CSMD3: variants seen among roughly 807,000 people sequenced by gnomAD.
CSMD3 encodes CUB and sushi domain-containing protein 3.
Under a neutral mutation model 435.2 loss-of-function variants are expected in CSMD3, and 177 were observed. The ratio of observed to expected loss-of-function variants is 0.41; its 90% CI spans 0.36 to 0.46. The LOEUF (loss-of-function observed/expected upper bound fraction) is 0.46. Ranked by LOEUF, CSMD3 falls within the 20% of genes least tolerant of loss-of-function variation. CSMD3 has a pLI of 0.34. For missense variants in CSMD3, 4,265 were observed against 4,504.6 expected (o/e 0.95, Z 1.52); for synonymous variants, 1,656 against 1,520.5 (o/e 1.09, Z -2.07).
chr8:113,365,729 G>A (rs1033686145), intron 1 of CSMD3, among the ~76,000 whole-genome samples: 8 of 152,104 alleles, frequency 5.3e-5, no homozygotes, highest in Admixed American at 2.0e-4. Context: ...TGACATATAT[G>A]TGCCTGTCCC....
intron 22 of CSMD3, among the ~76,000 whole-genome samples, chr8:112,622,520 G>T (rs35303173): frequency 0.55 from 83,787 of 151,924 alleles, 23,380 homozygotes; most frequent in African/African-American, 0.6. Context: ...CTTTTAATTT[G>T]TCCAGTCCTT....
intron 30 of CSMD3, among the ~76,000 whole-genome samples, chr8:112,493,567 G>A (rs1245094728): frequency 6.6e-6 from 1 of 152,036 alleles, no homozygotes; most frequent in Non-Finnish European, 1.5e-5. Context: ...CCAAACCACA[G>A]TATTTTTTGA....
intron 13 of CSMD3, among the ~76,000 whole-genome samples, chr8:112,723,677 G>C (rs1470856302): frequency 6.6e-6 from 1 of 152,120 alleles, no homozygotes; most frequent in Middle Eastern, 3.2e-3. Flanking sequence ...AAGCTTTGGA[G>C]TCAAGCTACC....
intron 1 of CSMD3, among the ~76,000 whole-genome samples, chr8:113,370,624 C>A (rs972252448): frequency 4.6e-5 from 7 of 151,912 alleles, no homozygotes; most frequent in African/African-American, 1.7e-4. Context: ...TCATTATATG[C>A]ATTCATTTCT....
chr8:112,720,819 T>C (rs533338891), intron 13 of CSMD3, among the ~76,000 whole-genome samples: 1 of 152,334 alleles, frequency 6.6e-6, no homozygotes, highest in African/African-American at 2.4e-5. Flanking sequence ...GATAAATTTA[T>C]ATATTTTCTG....
Position 112,290,408 on chromosome 8 carries a change from A to G in CSMD3, c.8975-870T>C, listed in dbSNP as rs1036188936. 3.3e-5 allele frequency among the ~76,000 whole-genome samples: 5 copies of G among 152,056 alleles called. No individual in the cohort carries two copies. The East Asian group carries it at 9.6e-4, about 29-fold the overall frequency. On this transcript the variant is annotated intron_variant, in intron 56 of 70. Transcript: ENST00000297405. Reference sequence around the variant, plus strand: ...GAAGAACTTCAGGTTTACAAGTCCTATGAAGAGATTTTTAACTTTAATGTG... The same window carrying G: ...GAAGAACTTCAGGTTTACAAGTCCTGTGAAGAGATTTTTAACTTTAATGTG...
chr8:112,719,023 G>A (rs545753836), intron 13 of CSMD3, among the ~76,000 whole-genome samples: 1 of 152,158 alleles, frequency 6.6e-6, no homozygotes, highest in South Asian at 2.1e-4. Flanking sequence ...ATTTATTGAA[G>A]ACATTATTCT....
intron 5 of CSMD3, among the ~76,000 whole-genome samples, chr8:113,070,007 G>A (rs58021089): frequency 0.67 from 101,797 of 151,940 alleles, 35,662 homozygotes; most frequent in East Asian, 0.95. Context: ...CTGAGATGCT[G>A]GAGTTAATTT....
At chr8:112,885,213 G>A (rs2081555673) in intron 10 of CSMD3, among the ~76,000 whole-genome samples, 1 of 151,612 alleles carries the variant, frequency 6.6e-6, no homozygotes, top group Non-Finnish European at 1.5e-5. Flanking sequence ...CATAGGAAAT[G>A]TCCTGATTAA....
intron 10 of CSMD3, among the ~76,000 whole-genome samples, chr8:112,911,687 T>C (rs1285239983): frequency 2.8e-5 from 4 of 140,892 alleles, no homozygotes; most frequent in South Asian, 2.3e-4. Context: ...GTAATGTATA[T>C]ATTTAGTTAA....
In CSMD3 at chr8:113,194,340, T is replaced by C. The variant is rs1297423618; in HGVS notation, c.515-20424A>G. Among the ~76,000 whole-genome samples, 3 of 151,336 alleles carry C rather than the reference T, an allele frequency of 2.0e-5. 1 individual carries two copies. The highest frequency in any genetic ancestry group is 4.1e-4 in the South Asian group (2 of 4,824). On this transcript the variant is annotated intron_variant, in intron 3 of 70. Transcript: ENST00000297405. Reference sequence around the variant, plus strand: ...TTGATCAATTGATTTGTTTCAATTGTTAATATAACACACAGAGTGTACTCA... The same window carrying C: ...TTGATCAATTGATTTGTTTCAATTGCTAATATAACACACAGAGTGTACTCA...
At chr8:112,617,219 G>A (rs1833728251) in intron 22 of CSMD3, among the ~76,000 whole-genome samples, 1 of 152,130 alleles carries the variant, frequency 6.6e-6, no homozygotes, top group African/African-American at 2.4e-5. Flanking sequence ...AGTTAGGTAA[G>A]CAATAGATTA....
At chr8:112,569,552 A>G (rs1162573450) in intron 24 of CSMD3, among the ~76,000 whole-genome samples, 2 of 152,168 alleles carry the variant, frequency 1.3e-5, no homozygotes, top group Non-Finnish European at 2.9e-5. Context: ...TTTTCATTTT[A>G]TCTCAGCCAA....
At chr8:113,295,311 AAG>A (rs2093712555) in intron 2 of CSMD3, among the ~76,000 whole-genome samples, 1 of 152,126 alleles carries the variant, frequency 6.6e-6, no homozygotes, top group African/African-American at 2.4e-5. Context: ...TATAATTCAA[AAG>A]AGGTTTTTTT....
chr8:112,777,161 C>G (rs1052295197), intron 13 of CSMD3, among the ~76,000 whole-genome samples: 1 of 151,696 alleles, frequency 6.6e-6, no homozygotes, highest in African/African-American at 2.4e-5. Context: ...TTTACAAATA[C>G]GTGTTATTGA....
At chr8:112,642,628 T>C (rs2074864021) in intron 20 of CSMD3, among the ~76,000 whole-genome samples, 1 of 152,146 alleles carries the variant, frequency 6.6e-6, no homozygotes, top group African/African-American at 2.4e-5. Flanking sequence ...GTAAATGAAA[T>C]GTAAATCACT....
intron 10 of CSMD3, among the ~76,000 whole-genome samples, chr8:112,921,174 G>C (rs1178460764): frequency 6.6e-6 from 1 of 151,618 alleles, no homozygotes; most frequent in East Asian, 1.9e-4. Flanking sequence ...TAAAGCCAGA[G>C]AACTAACTGG....
chr8:113,204,986 TC>T (rs2132046888), intron 3 of CSMD3, among the ~76,000 whole-genome samples: 1 of 138,410 alleles, frequency 7.2e-6, no homozygotes, highest in African/African-American at 2.8e-5. Flanking sequence ...GCAGGGGAAC[TC>T]CTTTTTTTTT....
In CSMD3 at chr8:112,735,597, A is replaced by G. The variant is rs1015125644; in HGVS notation, c.1973-45547T>C. ...CTTCCTCACAAGACACTTACAGTCC[A>G]GGTGAAAGAGAGGACAAATAATACT... On this transcript the variant is annotated intron_variant, in intron 13 of 70. Transcript: ENST00000297405. Among the ~76,000 whole-genome samples, 11 of 152,072 alleles carry G rather than the reference A, an allele frequency of 7.2e-5. No individual in the cohort carries two copies. The East Asian group carries it at 1.2e-3, about 16-fold the overall frequency.
Sources: gnomAD v4.1 joint callset for allele counts (sites outside exome capture counted in the v4.1 genomes callset) on GRCh38, gnomAD v4.1.1 for gene constraint, MANE v1.5 for transcripts, NCBI Gene and HGNC (gene_info 2026-07-23, HGNC 2026-07-21) for gene names.